RUNX2: variants seen among roughly 807,000 people sequenced by gnomAD.
RUNX2 encodes the protein runt-related transcription factor 2.
Under a neutral mutation model 51.7 loss-of-function variants are expected in RUNX2, and 10 were observed. That is an observed-to-expected ratio of 0.19 (90% CI 0.12 to 0.33). The LOEUF (loss-of-function observed/expected upper bound fraction) is 0.33, where lower values mean the gene tolerates loss of function less well. Among genes scored for constraint, RUNX2 ranks in the 10% least tolerant of loss-of-function variants. The pLI is 1.00. For synonymous variants in RUNX2, 276 were observed against 273.6 expected (o/e 1.01, Z -0.09); for missense variants, 562 against 691.3 (o/e 0.81, Z 2.10).
intron 6 of RUNX2, among the ~76,000 whole-genome samples, chr6:45,510,552 C>T (rs1801110169): frequency 6.6e-6 from 1 of 152,110 alleles, no homozygotes; most frequent in South Asian, 2.1e-4. Flanking sequence ...ATCTAAAAAT[C>T]CGCATCTTAT....
At chr6:45,484,054 A>G (rs116195605) in intron 5 of RUNX2, among the ~76,000 whole-genome samples, 2 of 152,350 alleles carry the variant, frequency 1.3e-5, no homozygotes, top group Non-Finnish European at 1.5e-5. Context: ...GGGGGCAGAA[A>G]GAATTTCAGA....
At chr6:45,409,323 C>G (rs1388564664) in intron 2 of RUNX2, among the ~76,000 whole-genome samples, 1 of 152,096 alleles carries the variant, frequency 6.6e-6, no homozygotes, top group Non-Finnish European at 1.5e-5. Flanking sequence ...ACTGGGAAGC[C>G]TTTTTAACTA....
At chr6:45,440,152 G>T (rs1798801132) in intron 5 of RUNX2, among the ~76,000 whole-genome samples, 1 of 152,202 alleles carries the variant, frequency 6.6e-6, no homozygotes, top group Admixed American at 6.5e-5. Context: ...TCATTTTCCT[G>T]ACATCATAGG....
At chr6:45,343,547 TAA>T (rs1425026718) in intron 2 of RUNX2, among the ~76,000 whole-genome samples, 1 of 151,812 alleles carries the variant, frequency 6.6e-6, no homozygotes, top group African/African-American at 2.4e-5. Context: ...AATGACTGAT[TAA>T]GAGAGAAGGT....
chr6:45,421,013 G>T (rs564170727), intron 2 of RUNX2: 9 of 152,042 alleles, frequency 5.9e-5, no homozygotes, highest in Non-Finnish European at 1.0e-4. Flanking sequence ...ACTTTTTGGG[G>T]GATCCAAAGT....
intron 5 of RUNX2, among the ~76,000 whole-genome samples, chr6:45,478,405 T>C (rs1003206901): frequency 2.0e-5 from 3 of 152,224 alleles, no homozygotes; most frequent in Non-Finnish European, 4.4e-5. Context: ...GTAGATACTT[T>C]GTTTTTTTCT....
chr6:45,331,814 A>G (rs1181324316), intron 2 of RUNX2, among the ~76,000 whole-genome samples: 1 of 151,980 alleles, frequency 6.6e-6, no homozygotes. Flanking sequence ...TCTTAAAAGA[A>G]CAAAATATTA....
At chr6:45,491,836 A>C (rs1800484732) in intron 5 of RUNX2, 105 bp from the exon 6 acceptor site, 1 of 1,139,804 alleles carries the variant, frequency 8.8e-7, no homozygotes, top group South Asian at 1.2e-5. Flanking sequence ...TAATATTGAT[A>C]ATTCCTTGGC....
At chr6:45,471,060 A>G (rs1799784688) in intron 5 of RUNX2, among the ~76,000 whole-genome samples, 1 of 152,208 alleles carries the variant, frequency 6.6e-6, no homozygotes. Flanking sequence ...TAGAGCCAAG[A>G]TGATAGAAAG....
rs1484440324 is a variant in RUNX2 at position 45,389,523 on chromosome 6, A to G, written c.59-33070A>G. ...ATATTTGTAAATCATAGATGGACAT[A>G]TAGATGACAGTGAGACATTCTCCAA... On this transcript the variant is annotated intron_variant, in intron 2 of 8. Coordinates refer to ENST00000647337, the MANE Select transcript of RUNX2 (RefSeq NM_001024630.4). 9.2e-5 allele frequency among the ~76,000 whole-genome samples: 14 copies of G among 152,364 alleles called. No homozygotes were observed. In the South Asian group the frequency reaches 2.7e-3, roughly 29 times the overall value.
rs1405128308 is a variant in RUNX2, at chr6:45,422,668, T to G, written c.134T>G (p.Val45Gly). The G allele has an allele frequency of 6.2e-7, 1 of 1,605,884 alleles. No homozygotes were observed. Among genetic ancestry groups the G allele is most frequent in the African/African-American group, 1.3e-5 (1 of 74,270 alleles). Residue 45 changes from valine (V) to glycine (G), a missense_variant, in exon 3 of 9, where the codon GTG becomes GGG. Val to Gly is a moderately radical substitution (Grantham distance 109, BLOSUM62 -3). Around this residue, in one of 5 missense-constraint regions of RUNX2, gnomAD observed 153 missense variants for 144.8 expected, o/e 1.06. Transcript: ENST00000647337. ...GGCAAAATGAGCGACGTGAGCCCGG[T>G]GGTGGCTGCGCAACAGCAGCAGCAA... ...QPGKMSDVSP[V>G]VAAQQQQQQQ... is the part of the protein sequence containing the mutation.
chr6:45,445,976 A>G (rs982883612), intron 5 of RUNX2, among the ~76,000 whole-genome samples: 5 of 152,090 alleles, frequency 3.3e-5, no homozygotes, highest in Admixed American at 6.5e-5. Flanking sequence ...GAAGGAAATG[A>G]CACATCGAGA....
At position 45,473,413 on chromosome 6, in the gene RUNX2, G is replaced by T. The variant is rs148911702; in HGVS notation, c.686-18528G>T. Among the ~76,000 whole-genome samples the T allele has an allele frequency of 6.3e-4, 96 of 152,272 alleles. No homozygotes were observed. In the East Asian group the frequency reaches 0.015, roughly 24 times the overall value. On this transcript the variant is annotated intron_variant, in intron 5 of 8. Coordinates refer to ENST00000647337, the MANE Select transcript of RUNX2 (RefSeq NM_001024630.4). ...CTTAATATCTAACTGATAATAAGTT[G>T]TTACTTAACTTGGAAGATGGACACA...
chr6:45,372,135 G>A (rs1581997236), intron 2 of RUNX2: 1 of 521,892 alleles, frequency 1.9e-6, no homozygotes, highest in Non-Finnish European at 2.5e-6. Flanking sequence ...AATGGAAGCA[G>A]TAAAGAGCTA....
chr6:45,512,215 T>G (rs375489093), intron 6 of RUNX2, 31 bp from the exon 7 acceptor site: 1 of 1,609,938 alleles, frequency 6.2e-7, no homozygotes, highest in African/African-American at 1.3e-5. Context: ...ATGGTTGCTA[T>G]ACTAAAGATT....
intron 5 of RUNX2, 36 bp downstream of exon 5, chr6:45,438,087 A>G: frequency 1.6e-6 from 2 of 1,278,996 alleles, no homozygotes; most frequent in South Asian, 2.4e-5. Context: ...AAAGTAATAG[A>G]GTTTCCAGAG....
At chr6:45,378,572 GCTATTAAT>G (rs1337730541) in intron 2 of RUNX2, among the ~76,000 whole-genome samples, 4 of 151,838 alleles carry the variant, frequency 2.6e-5, no homozygotes, top group African/African-American at 9.7e-5. Context: ...TCATTAATCT[GCTATTAAT>G]GTTTTTTCCC....
intron 3 of RUNX2, among the ~76,000 whole-genome samples, chr6:45,423,282 C>T (rs1383761206): frequency 3.3e-5 from 5 of 152,130 alleles, no homozygotes; most frequent in Admixed American, 2.0e-4. Context: ...TCCCTTTCCC[C>T]CAGGATCCCC....
At chr6:45,444,633 G>C (rs1798940916) in intron 5 of RUNX2, among the ~76,000 whole-genome samples, 2 of 152,128 alleles carry the variant, frequency 1.3e-5, no homozygotes, top group South Asian at 2.1e-4. Flanking sequence ...TTCTTTTCCT[G>C]TTTGCTTATT....
Sources: allele counts gnomAD v4.1 joint callset (sites outside exome capture counted in the v4.1 genomes callset), GRCh38; gene constraint gnomAD v4.1.1; regional missense constraint gnomAD v4.1.1; transcripts MANE v1.5; gene names NCBI Gene and HGNC (gene_info 2026-07-23, HGNC 2026-07-21).